The following UNC5B variants were observed in gnomAD, a reference collection of about 807,000 sequenced individuals.
UNC5B encodes the protein netrin receptor UNC5B.
UNC5B carries 56 observed loss-of-function variants against 103.7 expected under a neutral mutation model. The observed-to-expected ratio is 0.54, with a 90% CI of 0.44 to 0.67. The LOEUF is 0.67. Ranked by LOEUF, UNC5B falls within the 30% of genes least tolerant of loss-of-function variation. The pLI, the probability that UNC5B is intolerant of heterozygous loss-of-function variation, is 0.00. For synonymous variants in UNC5B, 577 were observed against 542.0 expected, an observed-to-expected ratio of 1.06 and a Z score of -0.90; for missense variants, 1,194 against 1,284.5, an observed-to-expected ratio of 0.93 and a Z score of 1.08.
intron 1 of UNC5B, among the ~76,000 whole-genome samples, chr10:71,256,951 G>T (rs114844546): frequency 6.6e-6 from 1 of 152,246 alleles, no homozygotes; most frequent in Non-Finnish European, 1.5e-5. Context: ...GGGCAGGAGG[G>T]TGAGCACAGA....
intron 1 of UNC5B, among the ~76,000 whole-genome samples, chr10:71,242,611 C>G (rs1311749546): frequency 6.6e-6 from 1 of 152,156 alleles, no homozygotes; most frequent in Non-Finnish European, 1.5e-5. Flanking sequence ...CAGTTCAGGC[C>G]CTTGTATAGC....
chr10:71,258,229 C>G (rs959756515), intron 1 of UNC5B, among the ~76,000 whole-genome samples: 2 of 152,172 alleles, frequency 1.3e-5, no homozygotes, highest in African/African-American at 2.4e-5. Flanking sequence ...GTAAGGTTCC[C>G]TCACTCTCTA....
At chr10:71,284,609 G>C in intron 2 of UNC5B, 111 bp from the exon 3 acceptor site, 2 of 1,489,256 alleles carry the variant, frequency 1.3e-6, no homozygotes, top group Non-Finnish European at 1.8e-6. Flanking sequence ...TGGAGGGAAA[G>C]GCACTTGGGC....
At chr10:71,243,989 G>A (rs967916478) in intron 1 of UNC5B, among the ~76,000 whole-genome samples, 1 of 152,248 alleles carries the variant, frequency 6.6e-6, no homozygotes, top group Non-Finnish European at 1.5e-5. Flanking sequence ...CTGGTGTGTG[G>A]TAGTGCCAGG....
intron 12 of UNC5B, 53 bp from the exon 13 acceptor site, chr10:71,293,646 CT>C (rs1845325992): frequency 6.2e-7 from 1 of 1,604,894 alleles, no homozygotes; most frequent in Non-Finnish European, 8.5e-7. Context: ...CCCTTTTCCT[CT>C]GGCCCAGCCT....
At chr10:71,250,311 T>C (rs1844144273) in intron 1 of UNC5B, among the ~76,000 whole-genome samples, 1 of 152,252 alleles carries the variant, frequency 6.6e-6, no homozygotes, top group Admixed American at 6.5e-5. Flanking sequence ...CCTACCGGGT[T>C]GCATGAGCTA....
At chr10:71,234,536 C>G (rs1236266546) in intron 1 of UNC5B, among the ~76,000 whole-genome samples, 1 of 152,230 alleles carries the variant, frequency 6.6e-6, no homozygotes, top group East Asian at 1.9e-4. Flanking sequence ...TTTGGTCTGT[C>G]AAGCTGTGTG....
At chr10:71,291,303 C>A (rs1012444093) in intron 9 of UNC5B, 129 bp from the exon 10 acceptor site, 132 of 1,449,112 alleles carry the variant, frequency 9.1e-5, no homozygotes, top group Non-Finnish European at 1.2e-4. Context: ...CTGCGGGATT[C>A]CCAAAGCTTC....
intron 1 of UNC5B, among the ~76,000 whole-genome samples, chr10:71,246,948 C>T (rs1844052068): frequency 6.6e-6 from 1 of 152,140 alleles, no homozygotes; most frequent in South Asian, 2.1e-4. Flanking sequence ...CTTGCCCACT[C>T]CCTGTGTGAC....
intron 4 of UNC5B, among the ~76,000 whole-genome samples, chr10:71,286,318 T>A (rs1422163511): frequency 6.6e-6 from 1 of 152,218 alleles, no homozygotes; most frequent in Non-Finnish European, 1.5e-5. Context: ...GAGTTAATGA[T>A]GAAGACAGAT....
intron 1 of UNC5B, among the ~76,000 whole-genome samples, chr10:71,238,616 G>A (rs957529551): frequency 2.0e-5 from 3 of 151,972 alleles, no homozygotes; most frequent in South Asian, 4.1e-4. Flanking sequence ...CACCAGGCCC[G>A]GCTACTTTTT....
At chr10:71,289,644 T>A (rs118003956) in intron 8 of UNC5B, among the ~76,000 whole-genome samples, 2,003 of 152,338 alleles carry the variant, frequency 0.013, 20 homozygotes, top group Non-Finnish European at 0.018. Flanking sequence ...CCGAGCTCAC[T>A]GGGGGTCGGG....
intron 13 of UNC5B, among the ~76,000 whole-genome samples, chr10:71,294,695 G>A (rs1265681456): frequency 6.6e-6 from 1 of 152,098 alleles, no homozygotes; most frequent in Non-Finnish European, 1.5e-5. Flanking sequence ...CCTAGCATAT[G>A]CAGAAGGATG....
At chr10:71,277,323 A>G (rs1296710112) in intron 1 of UNC5B, among the ~76,000 whole-genome samples, 1 of 152,196 alleles carries the variant, frequency 6.6e-6, no homozygotes, top group Non-Finnish European at 1.5e-5. Context: ...CTGCCATTTC[A>G]AAGATGAGCT....
rs773188517 is a variant in UNC5B, at chr10:71,291,781, C to A, written c.1644C>A (p.Thr548=). 114 of 1,605,858 alleles carry A rather than the reference C, an allele frequency of 7.1e-5. No homozygotes were observed. The highest frequency in any genetic ancestry group is 1.4e-5 in the Non-Finnish European group (16 of 1,179,276). ...PRDPGSSVSG[T]FGCLGGRLSI... ...ACCCAGGGAGCAGCGTCAGCGGCACCTTTGGCTGCCTGGGTGGGAGGCTCA... is the reference window on the plus strand; with the variant it reads ...ACCCAGGGAGCAGCGTCAGCGGCACATTTGGCTGCCTGGGTGGGAGGCTCA... The change falls in exon 10 of 17, where the codon ACC becomes ACA. Residue 548 remains threonine, a synonymous_variant. Coordinates refer to ENST00000335350, the MANE Select transcript of UNC5B (RefSeq NM_170744.5).
chr10:71,266,808 AC>A (rs1844534986), intron 1 of UNC5B, among the ~76,000 whole-genome samples: 1 of 152,172 alleles, frequency 6.6e-6, no homozygotes, highest in African/African-American at 2.4e-5. Flanking sequence ...CAACTGTGAC[AC>A]CAAAATATTA....
intron 8 of UNC5B, 116 bp downstream of exon 8, chr10:71,289,106 C>A (rs960209403): frequency 2.4e-5 from 33 of 1,374,508 alleles, no homozygotes; most frequent in Non-Finnish European, 3.1e-5. Flanking sequence ...CTACCCACCC[C>A]CCACGGGATC....
intron 5 of UNC5B, among the ~76,000 whole-genome samples, chr10:71,287,102 A>G: frequency 6.6e-6 from 1 of 152,202 alleles, no homozygotes; most frequent in East Asian, 1.9e-4. Flanking sequence ...GGAGTTCTCC[A>G]AGTCTGGGGG....
intron 4 of UNC5B, 149 bp downstream of exon 4, chr10:71,285,578 AGAACTGTTACCTCTGTC>A: frequency 1.3e-6 from 1 of 746,428 alleles, no homozygotes; most frequent in Non-Finnish European, 2.1e-6. Flanking sequence ...CACAGAGAAG[AGAACTGTTACCTCTGTC>A]GAACGCAGCA....
Sources: allele counts gnomAD v4.1 joint callset (sites outside exome capture counted in the v4.1 genomes callset), GRCh38; gene constraint gnomAD v4.1.1; transcripts MANE v1.5; gene names NCBI Gene and HGNC (gene_info 2026-07-23, HGNC 2026-07-21).